The following CIMIP1 variants were observed in gnomAD, a reference collection of about 807,000 sequenced individuals.
The protein encoded by CIMIP1 is ciliary microtubule inner protein 1, also known as low in lung cancer 1.
the CIMIP1 span, chr20:58,155,516 C>T: frequency 3.7e-6 from 6 of 1,614,224 alleles, no homozygotes; most frequent in Non-Finnish European, 4.2e-6. Flanking sequence ...CAAAATCGAG[C>T]TTCCTGAGCG....
At chr20:58,154,554 C>T in the CIMIP1 span, among the ~76,000 whole-genome samples, 2 of 152,174 alleles carry the variant, frequency 1.3e-5, no homozygotes, top group Admixed American at 6.5e-5. Flanking sequence ...TCCCATCCTA[C>T]GAGCTTTGAA....
chr20:58,154,961 A>G, the CIMIP1 span, among the ~76,000 whole-genome samples: 10 of 152,184 alleles, frequency 6.6e-5, no homozygotes, highest in African/African-American at 9.7e-5. Flanking sequence ...ACATGCCATC[A>G]TGCCCAGCTA....
At chr20:58,152,276 T>C in the CIMIP1 span, among the ~76,000 whole-genome samples, 2 of 152,168 alleles carry the variant, frequency 1.3e-5, no homozygotes, top group Admixed American at 6.5e-5. Context: ...TTCTTCACCA[T>C]ACAAACTTCT....
chr20:58,155,594 T>A, the CIMIP1 span: 5 of 1,563,828 alleles, frequency 3.2e-6, no homozygotes, highest in South Asian at 4.5e-5. Flanking sequence ...TAAATACTCA[T>A]TTTTTTAAAA....
chr20:58,153,553 T>A, the CIMIP1 span: 9,760 of 1,614,054 alleles, frequency 6.0e-3, 30 homozygotes, highest in Non-Finnish European at 6.8e-3. Context: ...GGAAATACCG[T>A]CTGAAGGCTG....
At chr20:58,153,738 A>AGAATGAAT in the CIMIP1 span, 1 of 800,138 alleles carries the variant, frequency 1.2e-6, no homozygotes, top group Non-Finnish European at 2.0e-6. Context: ...TTGTAGGCAA[A>AGAATGAAT]GATCACTAAC....
the CIMIP1 span, among the ~76,000 whole-genome samples, chr20:58,160,323 G>C: frequency 1.3e-5 from 2 of 152,216 alleles, no homozygotes; most frequent in African/African-American, 4.8e-5. Flanking sequence ...TCTGACAACA[G>C]TGCCATATAT....
the CIMIP1 span, among the ~76,000 whole-genome samples, chr20:58,155,831 T>C: frequency 6.6e-6 from 1 of 152,312 alleles, no homozygotes; most frequent in South Asian, 2.1e-4. Flanking sequence ...GGGGTCTTCA[T>C]GCGTTCTTTC....
the CIMIP1 span, chr20:58,160,533 G>A: frequency 8.6e-6 from 8 of 928,408 alleles, no homozygotes; most frequent in East Asian, 1.6e-4. Flanking sequence ...GAATGTGCTT[G>A]TTTTCAGTAC....
the CIMIP1 span, chr20:58,160,792 G>A: frequency 3.1e-6 from 5 of 1,613,426 alleles, no homozygotes; most frequent in South Asian, 3.3e-5. Context: ...TTGCACGAGA[G>A]CTGTGCTGGC....
the CIMIP1 span, among the ~76,000 whole-genome samples, chr20:58,159,770 G>A: frequency 6.6e-6 from 1 of 152,288 alleles, no homozygotes; most frequent in East Asian, 1.9e-4. Flanking sequence ...CTGGTTCAAG[G>A]AAGCTTTGGC....
the CIMIP1 span, chr20:58,160,970 C>A: frequency 2.4e-6 from 2 of 820,486 alleles, no homozygotes; most frequent in Non-Finnish European, 3.6e-6. Context: ...ACAAAGTGTG[C>A]CTTAGACATT....
chr20:58,152,803 T>C, the CIMIP1 span, among the ~76,000 whole-genome samples: 1 of 151,970 alleles, frequency 6.6e-6, no homozygotes, highest in Non-Finnish European at 1.5e-5. Context: ...ACATTTCAAA[T>C]TGTGTATGCA....
At chr20:58,153,576 G>C in the CIMIP1 span, 1 of 1,614,114 alleles carries the variant, frequency 6.2e-7, no homozygotes, top group Non-Finnish European at 8.5e-7. Flanking sequence ...TCGGAAGCAC[G>C]GCAGAACTGG....
the CIMIP1 span, among the ~76,000 whole-genome samples, chr20:58,157,809 G>A: frequency 6.6e-6 from 1 of 152,240 alleles, no homozygotes; most frequent in African/African-American, 2.4e-5. Flanking sequence ...CATTTAGGGA[G>A]CTCGCTCTCC....
At chr20:58,158,110 C>T in the CIMIP1 span, among the ~76,000 whole-genome samples, 1 of 152,206 alleles carries the variant, frequency 6.6e-6, no homozygotes, top group African/African-American at 2.4e-5. Context: ...AAAGCGCCCC[C>T]ACCTAGATAC....
the CIMIP1 span, among the ~76,000 whole-genome samples, chr20:58,159,366 A>C: frequency 6.6e-6 from 1 of 151,856 alleles, no homozygotes; most frequent in Non-Finnish European, 1.5e-5. Flanking sequence ...AAATACAAAA[A>C]TTAGCTGGGC....
At chr20:58,160,941 A>C in the CIMIP1 span, 88 of 1,134,808 alleles carry the variant, frequency 7.8e-5, no homozygotes, top group Non-Finnish European at 1.0e-4. Flanking sequence ...GTACTTGCTC[A>C]TGGGATGTTG....
chr20:58,151,002 G>C, the CIMIP1 span: 3 of 1,609,012 alleles, frequency 1.9e-6, no homozygotes, highest in East Asian at 2.2e-5. Flanking sequence ...GCGGCTGAAC[G>C]CATGAACCTT....
Sources: allele counts gnomAD v4.1 joint callset (sites outside exome capture counted in the v4.1 genomes callset), GRCh38; gene constraint gnomAD v4.1.1; transcripts MANE v1.5; gene names NCBI Gene and HGNC (gene_info 2026-07-23, HGNC 2026-07-21).